The following PAPPA2 variants were observed in gnomAD, a reference collection of about 807,000 sequenced individuals.
PAPPA2 encodes pappalysin-2.
In PAPPA2, 86 loss-of-function variants were observed where a neutral mutation model predicts 176.4. That is an observed-to-expected ratio of 0.49 (90% CI 0.41 to 0.58). The LOEUF (loss-of-function observed/expected upper bound fraction) is 0.58, where lower values mean the gene tolerates loss of function less well. Among genes scored for constraint, PAPPA2 ranks in the 20% least tolerant of loss-of-function variants. PAPPA2 has a pLI of 0.00. For missense variants in PAPPA2, 2,073 were observed against 2,256.9 expected (o/e 0.92, Z 1.65); for synonymous variants, 809 against 852.2 (o/e 0.95, Z 0.88).
chr1:176,585,073 C>A lies in PAPPA2; in HGVS notation c.920-9451C>A, dbSNP rs2102634919. On this transcript the variant is annotated intron_variant, in intron 2 of 22. Coordinates refer to ENST00000367662, the MANE Select transcript of PAPPA2 (RefSeq NM_020318.3). ...CTTTTTTGTGTATTTGCTCTATCTG[C>A]AAGTTTTGTACTTTCATATGTTTTC... Among the ~76,000 whole-genome samples the A allele has an allele frequency of 1.3e-5, 2 of 152,282 alleles. 1 individual carries two copies. The highest frequency in any genetic ancestry group is 6.8e-3 in the Middle Eastern group (2 of 294).
chr1:176,596,175 T>C (rs1376485149), intron 3 of PAPPA2, among the ~76,000 whole-genome samples: 1 of 152,218 alleles, frequency 6.6e-6, no homozygotes, highest in Non-Finnish European at 1.5e-5. Flanking sequence ...TTGTGCAGCA[T>C]CCAGAAGGAT....
intron 21 of PAPPA2, among the ~76,000 whole-genome samples, chr1:176,837,610 A>G (rs894323738): frequency 6.6e-6 from 1 of 152,164 alleles, no homozygotes; most frequent in Non-Finnish European, 1.5e-5. Context: ...ACTTATGTGA[A>G]ACGCTTTATT....
In PAPPA2 at chr1:176,585,270, G is replaced by T. The variant is rs534086876; in HGVS notation, c.920-9254G>T. 6.6e-5 allele frequency among the ~76,000 whole-genome samples: 10 copies of T among 152,020 alleles called. No individual in the cohort carries two copies. The South Asian group carries it at 1.9e-3, about 28-fold the overall frequency. On this transcript the variant is annotated intron_variant, in intron 2 of 22. Transcript: ENST00000367662. ...TTTGCTGGGTATAGTATTCTCGGCT[G>T]ATGGATTTGTTTGTTTTTTTTTTCT...
rs547457354 is a variant in PAPPA2 at position 176,658,524 on chromosome 1, G to A, written c.1992-12446G>A. Among the ~76,000 whole-genome samples the A allele has an allele frequency of 4.5e-3, 677 of 152,076 alleles. 6 individuals are homozygous for A. The highest frequency in any genetic ancestry group is 0.016 in the African/African-American group (653 of 41,526). ...ATTTAGATTAGACTTAATGACATAG[G>A]GATTCAGATATAGGGGCTTATTTTA... On this transcript the variant is annotated intron_variant, in intron 3 of 22. Transcript: ENST00000367662.
chr1:176,777,037 T>TAA (rs1664484885), intron 17 of PAPPA2, among the ~76,000 whole-genome samples: 1 of 152,054 alleles, frequency 6.6e-6, no homozygotes, highest in Non-Finnish European at 1.5e-5. Context: ...TAAAAATGCT[T>TAA]TTAGTTTCAG....
intron 3 of PAPPA2, among the ~76,000 whole-genome samples, chr1:176,651,660 A>AAGAAAGTTTTCTTAAGAAAAGTTTTCTTT (rs1657733804): frequency 1.5e-4 from 22 of 151,548 alleles, no homozygotes; most frequent in Admixed American, 1.1e-3. Context: ...TCTCTTTCTC[A>AAGAAAGTTTTCTTAAGAAAAGTTTTCTTT]AGAAAGTTTT....
chr1:176,754,538 A>G (rs2102892022), intron 14 of PAPPA2, among the ~76,000 whole-genome samples: 1 of 152,314 alleles, frequency 6.6e-6, no homozygotes, highest in South Asian at 2.1e-4. Context: ...TACCAGAAGT[A>G]TTCTCTTATG....
chr1:176,747,358 T>A (rs1399312179), intron 14 of PAPPA2, among the ~76,000 whole-genome samples: 2 of 152,192 alleles, frequency 1.3e-5, no homozygotes, highest in African/African-American at 4.8e-5. Context: ...AGGGGAAAAT[T>A]GTAAAGATAC....
intron 11 of PAPPA2, 38 bp from the exon 12 acceptor site, chr1:176,711,797 C>T: frequency 1.9e-6 from 3 of 1,577,954 alleles, no homozygotes; most frequent in Non-Finnish European, 2.6e-6. Flanking sequence ...TATCTTCACA[C>T]TCCACACTTC....
rs369815833 is a variant in PAPPA2 at position 176,557,068 on chromosome 1, G to A, written c.746G>A (p.Arg249Gln). ...SNQNGGEGSYREAETFNSQVG... is the reference protein window; with the variant it reads ...SNQNGGEGSYQEAETFNSQVG... Reference sequence around the variant, plus strand: ...CAAAATGGTGGAGAGGGCTCCTACCGAGAAGCAGAGACCTTTAACTCCCAA... The same window carrying A: ...CAAAATGGTGGAGAGGGCTCCTACCAAGAAGCAGAGACCTTTAACTCCCAA... The change falls in exon 2 of 23, where the codon CGA (arginine) becomes CAA (glutamine). Residue 249 changes from arginine to glutamine, a missense_variant. Physicochemically the swap from Arg to Gln is conservative, Grantham distance 43 (BLOSUM62 1). Coordinates refer to ENST00000367662, the MANE Select transcript of PAPPA2 (RefSeq NM_020318.3). 40 of 1,613,856 alleles carry A rather than the reference G, an allele frequency of 2.5e-5. No individual in the cohort carries two copies. Among genetic ancestry groups the A allele is most frequent in the Non-Finnish European group, 3.4e-5 (40 of 1,179,988 alleles).
chr1:176,674,550 T>C (rs1226430079), intron 4 of PAPPA2, among the ~76,000 whole-genome samples: 1 of 152,132 alleles, frequency 6.6e-6, no homozygotes, highest in Non-Finnish European at 1.5e-5. Flanking sequence ...CTTAGAATAA[T>C]GTTCTCCAGC....
At chr1:176,702,123 C>T (rs1173178630) in intron 8 of PAPPA2, among the ~76,000 whole-genome samples, 2 of 152,202 alleles carry the variant, frequency 1.3e-5, no homozygotes, top group Admixed American at 6.5e-5. Context: ...GTTGATCTTA[C>T]TCCTAAGGAT....
intron 3 of PAPPA2, among the ~76,000 whole-genome samples, chr1:176,601,656 T>A (rs180977584): frequency 2.1e-4 from 32 of 152,322 alleles, no homozygotes; most frequent in Non-Finnish European, 3.1e-4. Context: ...TGAGAGATGA[T>A]CTGCGAGAGT....
chr1:176,665,588 AT>A (rs999895896), intron 3 of PAPPA2, among the ~76,000 whole-genome samples: 1 of 152,028 alleles, frequency 6.6e-6, no homozygotes, highest in Non-Finnish European at 1.5e-5. Flanking sequence ...GGATTTACAA[AT>A]TTTTTTTATG....
Position 176,506,266 on chromosome 1 carries a change from T to C in PAPPA2, c.-917+42848T>C, listed in dbSNP as rs559350015. ...TGGTTATTATTGCCTTATAGAATAG[T>C]TTGAAGTCAGCTAGTGTGATGCTTC... On this transcript the variant is annotated intron_variant, in intron 1 of 22. Transcript: ENST00000367662. 4.6e-5 allele frequency among the ~76,000 whole-genome samples: 7 copies of C among 152,302 alleles called. No individual in the cohort carries two copies. In the East Asian group the frequency reaches 1.3e-3, roughly 29 times the overall value.
At chr1:176,598,416 C>G (rs1654103939) in intron 3 of PAPPA2, among the ~76,000 whole-genome samples, 1 of 152,160 alleles carries the variant, frequency 6.6e-6, no homozygotes, top group South Asian at 2.1e-4. Context: ...TTGCATCCTT[C>G]CATATAATTA....
At chr1:176,809,726 T>A (rs1246671029) in intron 21 of PAPPA2, among the ~76,000 whole-genome samples, 1 of 152,096 alleles carries the variant, frequency 6.6e-6, no homozygotes, top group Non-Finnish European at 1.5e-5. Context: ...GAAGCCTGAC[T>A]AACAAGTCGT....
At position 176,556,059 on chromosome 1, in the gene PAPPA2, T is replaced by C. The variant is rs1406430212; in HGVS notation, c.-264T>C. 2.2e-6 allele frequency: 1 copy of C among 449,700 alleles called. No individual in the cohort carries two copies. Among genetic ancestry groups the C allele is most frequent in the East Asian group, 3.5e-5 (1 of 28,456 alleles). The allele number at this position is 449,700 out of a possible 1,614,324, so 27.9% of individuals were successfully genotyped here. A position where few individuals can be genotyped will look rare whatever the true frequency, so the allele number is the denominator to read the frequency against. On this transcript the variant is annotated 5_prime_UTR_variant, in exon 2 of 23. Transcript: ENST00000367662. ...TAACTTCGTTCTGCAAGGACTAAAG[T>C]ACAGCAAGAGGAGAGAGGTCAAGCG...
intron 14 of PAPPA2, among the ~76,000 whole-genome samples, chr1:176,752,413 C>T (rs1663227450): frequency 6.6e-6 from 1 of 150,708 alleles, no homozygotes. Flanking sequence ...AGTCCAGCCT[C>T]TAGCTGTTGT....
Sources: allele counts gnomAD v4.1 joint callset (sites outside exome capture counted in the v4.1 genomes callset), GRCh38; gene constraint gnomAD v4.1.1; transcripts MANE v1.5; gene names NCBI Gene and HGNC (gene_info 2026-07-23, HGNC 2026-07-21).